Variants in ROBO1 observed in about 807,000 individuals in gnomAD.
ROBO1 encodes roundabout guidance receptor 1.
ROBO1 carries 149 observed loss-of-function variants against 195.9 expected under a neutral mutation model. That is an observed-to-expected ratio of 0.76 (90% CI 0.67 to 0.87). The LOEUF (loss-of-function observed/expected upper bound fraction) is 0.87. ROBO1 is among the 40% of genes least tolerant of loss of function. The pLI, the probability that ROBO1 is intolerant of heterozygous loss-of-function variation, is 0.00. For synonymous variants in ROBO1, 816 were observed against 733.2 expected (o/e 1.11, Z -1.82); for missense variants, 1,933 against 2,068.3 (o/e 0.93, Z 1.27).
chr3:79,451,517 T>G (rs2039442188), intron 2 of ROBO1, among the ~76,000 whole-genome samples: 1 of 152,110 alleles, frequency 6.6e-6, no homozygotes, highest in Non-Finnish European at 1.5e-5. Context: ...CTGGTAATAA[T>G]AAGTTAAATT....
chr3:79,259,233 C>A (rs1345128675), intron 2 of ROBO1, among the ~76,000 whole-genome samples: 1 of 152,118 alleles, frequency 6.6e-6, no homozygotes, highest in African/African-American at 2.4e-5. Context: ...CAACTTCCGC[C>A]TCCCGAGCTC....
intron 2 of ROBO1, among the ~76,000 whole-genome samples, chr3:79,565,695 G>T (rs1431912792): frequency 6.6e-6 from 1 of 151,992 alleles, no homozygotes; most frequent in Non-Finnish European, 1.5e-5. Flanking sequence ...CTGACCAATT[G>T]TAGGGTCCTA....
At chr3:79,616,237 G>C (rs560899250) in intron 1 of ROBO1, among the ~76,000 whole-genome samples, 1 of 152,268 alleles carries the variant, frequency 6.6e-6, no homozygotes, top group South Asian at 2.1e-4. Flanking sequence ...TACTGGTTGT[G>C]TACCAGTTGT....
intron 5 of ROBO1, among the ~76,000 whole-genome samples, chr3:78,736,568 A>T (rs1397964077): frequency 6.6e-6 from 1 of 152,162 alleles, no homozygotes; most frequent in African/African-American, 2.4e-5. Flanking sequence ...CCACATGCCA[A>T]GACTCTCATA....
At chr3:79,760,891 G>A (rs528843761) in intron 1 of ROBO1, among the ~76,000 whole-genome samples, 29 of 151,620 alleles carry the variant, frequency 1.9e-4, no homozygotes, top group South Asian at 1.0e-3. Flanking sequence ...CACATTACAC[G>A]TCATCAGCAA....
chr3:78,984,644 C>G (rs1187767739), intron 3 of ROBO1, among the ~76,000 whole-genome samples: 1 of 152,076 alleles, frequency 6.6e-6, no homozygotes, highest in Non-Finnish European at 1.5e-5. Context: ...CTCCTCTACC[C>G]CAGAAAGGTT....
intron 4 of ROBO1, among the ~76,000 whole-genome samples, chr3:78,930,155 A>C (rs2039432578): frequency 6.6e-6 from 1 of 152,134 alleles, no homozygotes; most frequent in African/African-American, 2.4e-5. Context: ...AACTATACAA[A>C]GAAGTTGTTG....
In ROBO1 at chr3:78,899,368, G is replaced by T. The variant is rs1309162772; in HGVS notation, c.499+39233C>A. On this transcript the variant is annotated intron_variant, in intron 4 of 30. Coordinates refer to ENST00000464233, the MANE Select transcript of ROBO1 (RefSeq NM_002941.4). ...ATCTGATTAGGCAATTAATAGAAGT[G>T]ACTGCTATTAAATGGTTATATGTTT... Among the ~76,000 whole-genome samples, 6 of 152,122 alleles carry T rather than the reference G, an allele frequency of 3.9e-5. No individual in the cohort carries two copies. The East Asian group carries it at 1.2e-3, about 29-fold the overall frequency.
intron 4 of ROBO1, among the ~76,000 whole-genome samples, chr3:78,770,045 C>G (rs530756029): frequency 3.3e-5 from 5 of 152,144 alleles, no homozygotes; most frequent in Non-Finnish European, 7.4e-5. Context: ...AACCTGATGA[C>G]AGTGTGCCTA....
At chr3:78,770,558 T>C (rs2083347665) in intron 4 of ROBO1, among the ~76,000 whole-genome samples, 1 of 152,232 alleles carries the variant, frequency 6.6e-6, no homozygotes, top group Non-Finnish European at 1.5e-5. Context: ...TGCAAATATA[T>C]TCTTCCATTC....
intron 10 of ROBO1, among the ~76,000 whole-genome samples, chr3:78,678,430 A>G (rs918078735): frequency 6.6e-6 from 1 of 152,218 alleles, no homozygotes; most frequent in Non-Finnish European, 1.5e-5. Flanking sequence ...ACAGCTAGCA[A>G]GACTAATAAA....
chr3:78,835,654 C>A (rs561451920), intron 4 of ROBO1, among the ~76,000 whole-genome samples: 2 of 152,104 alleles, frequency 1.3e-5, no homozygotes, highest in Non-Finnish European at 2.9e-5. Flanking sequence ...AAAAAATGAT[C>A]AATCTATGAA....
chr3:78,928,193 C>T (rs938680484), intron 4 of ROBO1, among the ~76,000 whole-genome samples: 3 of 152,140 alleles, frequency 2.0e-5, no homozygotes, highest in Non-Finnish European at 4.4e-5. Flanking sequence ...TTTGTTTTGA[C>T]TTAATGACAG....
chr3:79,360,403 G>T (rs1439741304), intron 2 of ROBO1, among the ~76,000 whole-genome samples: 1 of 151,670 alleles, frequency 6.6e-6, no homozygotes, highest in South Asian at 2.1e-4. Flanking sequence ...TATTTATGAA[G>T]AATTTTTTTG....
chr3:79,049,649 A>C (rs1201096724), intron 3 of ROBO1, among the ~76,000 whole-genome samples: 1 of 152,112 alleles, frequency 6.6e-6, no homozygotes, highest in African/African-American at 2.4e-5. Flanking sequence ...AGCCAGAGAG[A>C]AGGGTCAGGT....
Position 79,286,744 on chromosome 3 carries a change from T to C in ROBO1, c.89-161205A>G, listed in dbSNP as rs576349701. Among the ~76,000 whole-genome samples the C allele has an allele frequency of 2.0e-5, 3 of 152,272 alleles. No individual in the cohort carries two copies. In the South Asian group the frequency reaches 6.2e-4, roughly 32 times the overall value. On this transcript the variant is annotated intron_variant, in intron 2 of 30. Coordinates refer to ENST00000464233, the MANE Select transcript of ROBO1 (RefSeq NM_002941.4). ...TCAATATGAATTTTGAATGAATATG[T>C]ATATATAAAATAACTGGAATAATAA... is the stretch of plus-strand genomic sequence containing the variant.
chr3:78,612,854 T>C (rs1276537959), intron 28 of ROBO1, among the ~76,000 whole-genome samples: 1 of 152,230 alleles, frequency 6.6e-6, no homozygotes, highest in African/African-American at 2.4e-5. Context: ...TTTTGCGGAA[T>C]GAGCAATTAG....
intron 3 of ROBO1, among the ~76,000 whole-genome samples, chr3:79,049,127 C>T (rs901216106): frequency 6.6e-6 from 1 of 152,034 alleles, no homozygotes; most frequent in Admixed American, 6.6e-5. Flanking sequence ...TTCTAACCCA[C>T]CGCAATGAAG....
intron 4 of ROBO1, among the ~76,000 whole-genome samples, chr3:78,927,018 G>C (rs1239468655): frequency 1.3e-5 from 2 of 152,092 alleles, no homozygotes; most frequent in Admixed American, 6.6e-5. Flanking sequence ...GTCAATTGCT[G>C]ACAAGAGGTA....
Sources: gnomAD v4.1 joint callset for allele counts (sites outside exome capture counted in the v4.1 genomes callset) on GRCh38, gnomAD v4.1.1 for gene constraint, MANE v1.5 for transcripts, NCBI Gene and HGNC (gene_info 2026-07-23, HGNC 2026-07-21) for gene names.